Variants in PYGB observed in about 807,000 individuals in gnomAD.
PYGB encodes glycogen phosphorylase B.
In PYGB, 82 loss-of-function variants were observed where a neutral mutation model predicts 94.3. The observed-to-expected ratio is 0.87, with a 90% CI of 0.73 to 1.04. The LOEUF (loss-of-function observed/expected upper bound fraction) is 1.04, where lower values mean the gene tolerates loss of function less well. Among genes scored for constraint, PYGB ranks in the 50% least tolerant of loss-of-function variants. The pLI is 0.00. For synonymous variants in PYGB, 488 were observed against 479.1 expected, an observed-to-expected ratio of 1.02 and a Z score of -0.24; for missense variants, 1,132 against 1,158.2, an observed-to-expected ratio of 0.98 and a Z score of 0.33.
At chr20:25,248,873 A>G (rs1186948275) in intron 1 of PYGB, among the ~76,000 whole-genome samples, 1 of 151,978 alleles carries the variant, frequency 6.6e-6, no homozygotes, top group Non-Finnish European at 1.5e-5. Context: ...TGAGCTCGGT[A>G]ATCTGCAGGG....
intron 6 of PYGB, 38 bp downstream of exon 6, chr20:25,276,795 G>T (rs1190314854): frequency 1.1e-5 from 17 of 1,583,672 alleles, no homozygotes; most frequent in Non-Finnish European, 1.4e-5. Flanking sequence ...GTGTCCATGT[G>T]GGTGGCTGGT....
chr20:25,263,601 C>G (rs938824955), intron 2 of PYGB, among the ~76,000 whole-genome samples: 2 of 152,134 alleles, frequency 1.3e-5, no homozygotes, highest in African/African-American at 2.4e-5. Context: ...AAGGGGATGT[C>G]ACCACTGATG....
chr20:25,281,836 C>T (rs928408353), intron 11 of PYGB, among the ~76,000 whole-genome samples, 197 bp from the exon 12 acceptor site: 4 of 152,232 alleles, frequency 2.6e-5, no homozygotes, highest in African/African-American at 7.2e-5. Flanking sequence ...GCCACAGATG[C>T]CCCGGGGTGC....
chr20:25,248,095 C>T lies in PYGB; in HGVS notation c.-84C>T. 7.2e-7 allele frequency: 1 copy of T among 1,385,784 alleles called. No individual in the cohort carries two copies. The highest frequency in any genetic ancestry group is 9.4e-7 in the Non-Finnish European group (1 of 1,066,132). The allele number at this position is 1,385,784 out of a possible 1,614,324, so 85.8% of individuals were successfully genotyped here. A position where few individuals can be genotyped will look rare whatever the true frequency, so the allele number is the denominator to read the frequency against. ...GCAGTGCCGGGCGCCAGAGCAGCGG[C>T]GCCAGAGCAGCTGCACCATCCCGGC... On this transcript the variant is annotated 5_prime_UTR_variant, in exon 1 of 20. Transcript: ENST00000216962.
rs201316067 is a variant in PYGB, at chr20:25,281,098, C to T, written c.1389C>T (p.Ile463=). ...GTGTGGCGAGGATCCACTCGGAGAT[C>T]GTGAAACAGTCGGTGTGAGTGGGGC... The part of the protein sequence containing the change: ...VNGVARIHSE[I]VKQSVFKDFY... Residue 463 remains isoleucine (I), a synonymous_variant, in exon 11 of 20, where the codon ATC becomes ATT. Transcript: ENST00000216962. The T allele has an allele frequency of 3.7e-6, 6 of 1,614,132 alleles. No individual in the cohort carries two copies. Among genetic ancestry groups the T allele is most frequent in the South Asian group, 2.2e-5 (2 of 91,078 alleles).
intron 1 of PYGB, among the ~76,000 whole-genome samples, chr20:25,252,113 C>T (rs1054680787): frequency 6.6e-6 from 1 of 152,218 alleles, no homozygotes; most frequent in Admixed American, 6.5e-5. Context: ...GGGCAGGCTT[C>T]CCTGACAGCA....
At chr20:25,254,954 T>C (rs2092899010) in intron 1 of PYGB, among the ~76,000 whole-genome samples, 1 of 152,232 alleles carries the variant, frequency 6.6e-6, no homozygotes, top group Non-Finnish European at 1.5e-5. Flanking sequence ...ATTTGACATT[T>C]TCAAAATTGA....
chr20:25,276,123 G>A (rs1040655469), intron 5 of PYGB, among the ~76,000 whole-genome samples: 49 of 152,128 alleles, frequency 3.2e-4, no homozygotes, highest in African/African-American at 1.1e-3. Context: ...TGGAGGGAGC[G>A]CAGCTGGGCT....
intron 4 of PYGB, 87 bp downstream of exon 4, chr20:25,271,573 C>T (rs944037581): frequency 9.2e-6 from 13 of 1,411,168 alleles, no homozygotes; most frequent in Admixed American, 3.4e-5. Context: ...TTTTATACTT[C>T]CCACGCCCCC....
At chr20:25,268,475 TA>T (rs965977986) in intron 2 of PYGB, among the ~76,000 whole-genome samples, 6 of 152,118 alleles carry the variant, frequency 3.9e-5, no homozygotes, top group African/African-American at 7.2e-5. Flanking sequence ...ATGTATACTT[TA>T]AAAAGGTCTG....
At chr20:25,280,921 C>A in intron 10 of PYGB, 28 bp from the exon 11 acceptor site, 1 of 1,610,540 alleles carries the variant, frequency 6.2e-7, no homozygotes, top group Non-Finnish European at 8.5e-7. Flanking sequence ...CCTGTGCCCA[C>A]CCACCTGCCT....
chr20:25,279,016 G>A, intron 8 of PYGB, 41 bp from the exon 9 acceptor site: 1 of 1,578,452 alleles, frequency 6.3e-7, no homozygotes, highest in Non-Finnish European at 8.7e-7. Flanking sequence ...GTGCCCACGT[G>A]GGATGAAATG....
chr20:25,260,174 C>G (rs999710233), intron 2 of PYGB, among the ~76,000 whole-genome samples: 1 of 152,160 alleles, frequency 6.6e-6, no homozygotes, highest in East Asian at 1.9e-4. Flanking sequence ...TCCGCATGTT[C>G]GAAATTAGCT....
chr20:25,268,816 AAT>A (rs901864517), intron 2 of PYGB, among the ~76,000 whole-genome samples: 15 of 152,276 alleles, frequency 9.9e-5, no homozygotes, highest in African/African-American at 3.4e-4. Flanking sequence ...TTAGTTTAAA[AAT>A]ATGTCACGTA....
chr20:25,252,838 C>T (rs1384443412), intron 1 of PYGB, among the ~76,000 whole-genome samples: 10 of 152,308 alleles, frequency 6.6e-5, no homozygotes, highest in Non-Finnish European at 5.9e-5. Context: ...TGAGCTCAGC[C>T]TTTAGCCCCT....
At chr20:25,278,557 G>A in intron 8 of PYGB, 95 bp downstream of exon 8, 1 of 1,508,586 alleles carries the variant, frequency 6.6e-7, no homozygotes, top group Non-Finnish European at 9.0e-7. Context: ...GGGCTAGAGT[G>A]GAATGGTACA....
At chr20:25,270,054 A>G (rs1407513598) in intron 3 of PYGB, among the ~76,000 whole-genome samples, 1 of 152,122 alleles carries the variant, frequency 6.6e-6, no homozygotes, top group Non-Finnish European at 1.5e-5. Flanking sequence ...CCAGAACAAG[A>G]GTCCGCGAGG....
At chr20:25,252,862 A>T (rs535927342) in intron 1 of PYGB, among the ~76,000 whole-genome samples, 6 of 152,158 alleles carry the variant, frequency 3.9e-5, no homozygotes, top group African/African-American at 1.4e-4. Flanking sequence ...CCTTCACTGG[A>T]GGTTGGGGCT....
intron 11 of PYGB, 87 bp downstream of exon 11, chr20:25,281,199 G>A: frequency 6.6e-7 from 1 of 1,517,288 alleles, no homozygotes; most frequent in Non-Finnish European, 9.0e-7. Flanking sequence ...CATGGACCCA[G>A]CTATATAGCA....
Sources: allele counts gnomAD v4.1 joint callset (sites outside exome capture counted in the v4.1 genomes callset), GRCh38; gene constraint gnomAD v4.1.1; transcripts MANE v1.5; gene names NCBI Gene and HGNC (gene_info 2026-07-23, HGNC 2026-07-21).